The following CPOX variants were observed in gnomAD, a reference collection of about 807,000 sequenced individuals.
CPOX encodes the protein coproporphyrinogen oxidase, also known as oxygen-dependent coproporphyrinogen-III oxidase, mitochondrial.
CPOX carries 24 observed loss-of-function variants against 48.9 expected under a neutral mutation model. The observed-to-expected ratio is 0.49, with a 90% CI of 0.36 to 0.69. The LOEUF is 0.69. Ranked by LOEUF, CPOX falls within the 30% of genes least tolerant of loss-of-function variation. The pLI is 0.00. For synonymous variants in CPOX, 249 were observed against 234.6 expected (o/e 1.06, Z -0.56); for missense variants, 549 against 597.3 (o/e 0.92, Z 0.84).
intron 1 of CPOX, 106 bp downstream of exon 1, chr3:98,592,843 C>CT: frequency 1.6e-6 from 2 of 1,282,964 alleles, no homozygotes; most frequent in Non-Finnish European, 2.2e-6. Flanking sequence ...TGGGTACCCC[C>CT]TACCTACCCC....
chr3:98,571,401 C>T, the CPOX span, among the ~76,000 whole-genome samples: 32 of 152,072 alleles, frequency 2.1e-4, no homozygotes, highest in Non-Finnish European at 3.5e-4. Context: ...TTTAAGAAAA[C>T]GCTGTGGCCG....
chr3:98,585,830 G>A, intron 4 of CPOX, 171 bp from the exon 5 acceptor site: 1 of 668,686 alleles, frequency 1.5e-6, no homozygotes, highest in East Asian at 2.8e-5. Context: ...TAGATTTTTT[G>A]CAGATATCAC....
rs998984529 is a variant in CPOX, at chr3:98,579,722, A to G, written c.*961T>C. 3 of 985,428 alleles carry G rather than the reference A, an allele frequency of 3.0e-6. No individual in the cohort carries two copies. Among genetic ancestry groups the G allele is most frequent in the Non-Finnish European group, 3.6e-6 (3 of 829,684 alleles). The allele number at this position is 985,428 out of a possible 1,614,324, so 61.0% of individuals were successfully genotyped here. A position where few individuals can be genotyped will look rare whatever the true frequency, so the allele number is the denominator to read the frequency against. ...CTGCAGAATCTCTAATATAAAAAAGAGGACATTTTCAATGTGTCCATTTTC... is the reference window on the plus strand; with the variant it reads ...CTGCAGAATCTCTAATATAAAAAAGGGGACATTTTCAATGTGTCCATTTTC... On this transcript the variant is annotated 3_prime_UTR_variant, in exon 7 of 7. Coordinates refer to ENST00000647941, the MANE Select transcript of CPOX (RefSeq NM_000097.7).
chr3:98,590,980 C>CTA (rs756305768), intron 2 of CPOX, 32 bp downstream of exon 2: 27 of 1,612,370 alleles, frequency 1.7e-5, no homozygotes, highest in South Asian at 2.2e-5. Context: ...TTTGCAGGGA[C>CTA]TATTAGAGAC....
intron 5 of CPOX, among the ~76,000 whole-genome samples, chr3:98,582,495 TTTC>T (rs1479529861): frequency 1.3e-5 from 2 of 151,752 alleles, no homozygotes; most frequent in East Asian, 3.8e-4. Flanking sequence ...TTTTTTTTCT[TTTC>T]TTTTTTTTTT....
downstream of CPOX, among the ~76,000 whole-genome samples, chr3:98,577,668 T>C (rs370258888): frequency 2.2e-4 from 33 of 152,266 alleles, 1 homozygote; most frequent in African/African-American, 7.9e-4. Flanking sequence ...GTGAAGAAAG[T>C]GACACTACAT....
At position 98,579,990 on chromosome 3, in the gene CPOX, A is replaced by G. The variant is rs372335078; in HGVS notation, c.*693T>C. On this transcript the variant is annotated 3_prime_UTR_variant, in exon 7 of 7. Transcript: ENST00000647941. The stretch of plus-strand genomic sequence containing the variant: ...AAGTGCAGAGAATCCCAACATTAAC[A>G]AACAATGGTTCCACAAAAATCAAAA... 3.0e-6 allele frequency: 3 copies of G among 985,460 alleles called. No homozygotes were observed. In the African/African-American group the frequency reaches 5.2e-5, roughly 17 times the overall value. The allele number at this position is 985,460 out of a possible 1,614,324, so 61.0% of individuals were successfully genotyped here.
intron 1 of CPOX, among the ~76,000 whole-genome samples, chr3:98,591,990 TG>T (rs1559679808): frequency 1.5e-5 from 1 of 65,488 alleles, no homozygotes; most frequent in African/African-American, 1.0e-4. Context: ...TATATGTATA[TG>T]GATATATATA....
the CPOX span, among the ~76,000 whole-genome samples, chr3:98,571,032 A>G: frequency 3.3e-5 from 5 of 152,230 alleles, no homozygotes; most frequent in Admixed American, 1.3e-4. Flanking sequence ...TCCCAGTTCT[A>G]TAATTTATAT....
At chr3:98,576,355 AACTC>A (rs1451693621), downstream of CPOX, among the ~76,000 whole-genome samples, 1 of 152,166 alleles carries the variant, frequency 6.6e-6, no homozygotes, top group Non-Finnish European at 1.5e-5. Flanking sequence ...ATCCTGTGAG[AACTC>A]ACTCACTACC....
downstream of CPOX, among the ~76,000 whole-genome samples, chr3:98,577,735 T>C (rs1176126498): frequency 2.0e-5 from 3 of 152,214 alleles, no homozygotes; most frequent in African/African-American, 7.2e-5. Context: ...TTCCATGGAA[T>C]TCGTGCTCTG....
At chr3:98,582,696 T>C (rs1210673244) in intron 5 of CPOX, among the ~76,000 whole-genome samples, 2 of 152,132 alleles carry the variant, frequency 1.3e-5, no homozygotes, top group Non-Finnish European at 2.9e-5. Context: ...TCTCATAGTG[T>C]TAGCCAGGAT....
chr3:98,580,307 A>G lies in CPOX; in HGVS notation c.*376T>C, dbSNP rs1012106632. The stretch of plus-strand genomic sequence containing the variant: ...GAAAATAAAATATATTCCACGACAG[A>G]TTTTTGTGGCACAAATGAAAACTTT... On this transcript the variant is annotated 3_prime_UTR_variant, in exon 7 of 7. Transcript: ENST00000647941. The G allele has an allele frequency of 4.0e-6, 4 of 1,011,278 alleles. No individual in the cohort carries two copies. The African/African-American group carries it at 6.9e-5, about 18-fold the overall frequency. 62.6% of individuals were successfully genotyped at this position (1,011,278 alleles called of 1,614,324 possible).
chr3:98,574,973 T>G (rs1707138014), downstream of CPOX, among the ~76,000 whole-genome samples: 1 of 152,224 alleles, frequency 6.6e-6, no homozygotes, highest in African/African-American at 2.4e-5. Context: ...AATTGTGGAT[T>G]TGTATATTAT....
At chr3:98,576,397 C>G (rs1402953798), downstream of CPOX, among the ~76,000 whole-genome samples, 2 of 152,180 alleles carry the variant, frequency 1.3e-5, no homozygotes, top group Non-Finnish European at 2.9e-5. Context: ...ATGGTTTACC[C>G]TCATGACTCA....
downstream of CPOX, chr3:98,578,416 A>ATTTG (rs1218143096): frequency 1.3e-5 from 2 of 159,830 alleles, no homozygotes; most frequent in African/African-American, 4.8e-5. Flanking sequence ...TGATCTGAAC[A>ATTTG]TTTGTTCCTA....
At chr3:98,586,599 T>G (rs1162812373) in intron 4 of CPOX, among the ~76,000 whole-genome samples, 1 of 152,204 alleles carries the variant, frequency 6.6e-6, no homozygotes, top group Non-Finnish European at 1.5e-5. Flanking sequence ...AAACTATTAA[T>G]CTGTTCTTGA....
rs1707462186 is a variant in CPOX at position 98,590,687 on chromosome 3, A to C, written c.756T>G (p.Pro252=). The part of the protein sequence containing the change: ...GVSSVIHPKN[P]HAPTIHFNYR... Reference sequence around the variant, plus strand: ...AGTTGAAATGGATAGTAGGAGCATGAGGATTCTTGGGGTGGATAACAGAGC... The same window carrying C: ...AGTTGAAATGGATAGTAGGAGCATGCGGATTCTTGGGGTGGATAACAGAGC... The change falls in exon 3 of 7, where the codon CCT becomes CCG. Residue 252 remains proline (P), a synonymous_variant. Coordinates refer to ENST00000647941, the MANE Select transcript of CPOX (RefSeq NM_000097.7). 1 of 1,614,142 alleles carries C rather than the reference A, an allele frequency of 6.2e-7. No individual in the cohort carries two copies. The highest frequency in any genetic ancestry group is 8.5e-7 in the Non-Finnish European group (1 of 1,179,978).
At chr3:98,582,029 CCT>C (rs1576298159) in intron 5 of CPOX, among the ~76,000 whole-genome samples, 1 of 152,180 alleles carries the variant, frequency 6.6e-6, no homozygotes, top group South Asian at 2.1e-4. Context: ...TCTATATATT[CCT>C]CTTTCCTAAA....
Sources: gnomAD v4.1 joint callset for allele counts (sites outside exome capture counted in the v4.1 genomes callset) on GRCh38, gnomAD v4.1.1 for gene constraint, MANE v1.5 for transcripts, NCBI Gene and HGNC (gene_info 2026-07-23, HGNC 2026-07-21) for gene names.